Variants in NR3C2 observed in about 807,000 individuals in gnomAD.
The protein encoded by NR3C2 is nuclear receptor subfamily 3 group C member 2, also known as mineralocorticoid receptor.
A neutral mutation model predicts 86.4 loss-of-function variants in NR3C2; 15 were observed. The ratio of observed to expected loss-of-function variants is 0.17; its 90% CI spans 0.12 to 0.27. The LOEUF is 0.27. Among genes scored for constraint, NR3C2 ranks in the 10% least tolerant of loss-of-function variants. NR3C2 has a pLI of 1.00. For missense variants in NR3C2, 960 were observed against 1,195.6 expected (o/e 0.80, Z 2.91); for synonymous variants, 458 against 450.5 (o/e 1.02, Z -0.21).
intron 2 of NR3C2, among the ~76,000 whole-genome samples, chr4:148,406,913 G>C (rs544438876): frequency 6.6e-6 from 1 of 152,176 alleles, no homozygotes; most frequent in African/African-American, 2.4e-5. Context: ...GTGAATTTAA[G>C]CTGCGTAATT....
intron 2 of NR3C2, among the ~76,000 whole-genome samples, chr4:148,277,297 T>C (rs890086975): frequency 6.6e-6 from 1 of 152,244 alleles, no homozygotes; most frequent in Non-Finnish European, 1.5e-5. Flanking sequence ...TCATAAACTA[T>C]TAAAACAACA....
chr4:148,295,420 G>A (rs189690668), intron 2 of NR3C2, among the ~76,000 whole-genome samples: 20 of 151,404 alleles, frequency 1.3e-4, no homozygotes, highest in Admixed American at 1.1e-3. Context: ...CCAACTCCCC[G>A]CATCCAGTGC....
intron 2 of NR3C2, among the ~76,000 whole-genome samples, chr4:148,348,448 TTAG>T (rs1214037826): frequency 6.6e-6 from 1 of 152,170 alleles, no homozygotes; most frequent in Non-Finnish European, 1.5e-5. Context: ...TCAGAAAATA[TTAG>T]TAGAATAAAT....
At chr4:148,398,654 A>G (rs2126521601) in intron 2 of NR3C2, among the ~76,000 whole-genome samples, 1 of 152,348 alleles carries the variant, frequency 6.6e-6, no homozygotes, top group Admixed American at 6.5e-5. Context: ...ACAGAGTTCA[A>G]ACTCCTGATT....
rs1297397077 is a variant in NR3C2, at chr4:148,224,332, ATG to A, written c.1898-29472_1898-29471del. Among the ~76,000 whole-genome samples the A allele has an allele frequency of 2.0e-5, 3 of 152,218 alleles. No homozygotes were observed. The South Asian group carries it at 6.2e-4, about 31-fold the overall frequency. On this transcript the variant is annotated intron_variant, in intron 3 of 8. Transcript: ENST00000358102. Reference sequence around the variant, plus strand: ...ACATACACACATTAGTCAAAATAGAATGTGTTACACTATTTCATGATATGACA... The same window carrying A: ...ACATACACACATTAGTCAAAATAGAATGTTACACTATTTCATGATATGACA...
intron 2 of NR3C2, among the ~76,000 whole-genome samples, chr4:148,323,918 TAAAG>T (rs1743803457): frequency 6.6e-6 from 1 of 152,198 alleles, no homozygotes; most frequent in Admixed American, 6.5e-5. Context: ...ATCTCATTTT[TAAAG>T]AGTCTTCAAT....
upstream of NR3C2, chr4:148,442,602 A>C (rs1750409203): frequency 2.0e-6 from 2 of 978,184 alleles, no homozygotes; most frequent in Non-Finnish European, 2.4e-6. Flanking sequence ...AAGAGAAGCA[A>C]GGCTCCACGC....
chr4:148,201,752 G>A (rs1348645241), intron 3 of NR3C2, among the ~76,000 whole-genome samples: 1 of 151,872 alleles, frequency 6.6e-6, no homozygotes, highest in Non-Finnish European at 1.5e-5. Flanking sequence ...TTTTTCTCTG[G>A]CTCCACTAAT....
At chr4:148,339,216 C>T (rs1744635686) in intron 2 of NR3C2, among the ~76,000 whole-genome samples, 1 of 152,154 alleles carries the variant, frequency 6.6e-6, no homozygotes, top group African/African-American at 2.4e-5. Flanking sequence ...CTATTCCAAG[C>T]ACCATGGACT....
At position 148,420,722 on chromosome 4, in the gene NR3C2, C is replaced by T. The variant is rs184912626; in HGVS notation, c.1757+14382G>A. Reference sequence around the variant, plus strand: ...AGCCTGGTGGGAGGGGATTGAATCACAGGGGTGAATCCTTCATGAATGGTT... The same window carrying T: ...AGCCTGGTGGGAGGGGATTGAATCATAGGGGTGAATCCTTCATGAATGGTT... On this transcript the variant is annotated intron_variant, in intron 2 of 8. Transcript: ENST00000358102. Among the ~76,000 whole-genome samples the T allele has an allele frequency of 1.4e-3, 208 of 152,298 alleles. 1 individual carries two copies. Among genetic ancestry groups the T allele is most frequent in the African/African-American group, 4.7e-3 (195 of 41,566 alleles).
At chr4:148,114,874 G>A (rs761919415) in intron 7 of NR3C2, among the ~76,000 whole-genome samples, 1 of 152,148 alleles carries the variant, frequency 6.6e-6, no homozygotes, top group Admixed American at 6.5e-5. Flanking sequence ...AGGGGAGGAC[G>A]CTGCATACAA....
intron 2 of NR3C2, among the ~76,000 whole-genome samples, chr4:148,396,516 A>G (rs1017288544): frequency 6.6e-6 from 1 of 152,234 alleles, no homozygotes; most frequent in Non-Finnish European, 1.5e-5. Flanking sequence ...TGCAAAAGCA[A>G]TAAATATTTA....
In NR3C2 at chr4:148,318,384, T is replaced by C. The variant is rs1200664537; in HGVS notation, c.1758-58267A>G. ...AGCATGATTTATAGTCCTTTGGGTA[T>C]ATACCCAGTAATGGGATGGCTGGGT... On this transcript the variant is annotated intron_variant, in intron 2 of 8. Transcript: ENST00000358102. Among the ~76,000 whole-genome samples, 7 of 151,520 alleles carry C rather than the reference T, an allele frequency of 4.6e-5. No individual in the cohort carries two copies. In the East Asian group the frequency reaches 1.4e-3, roughly 29 times the overall value.
chr4:148,308,932 G>A (rs890702363), intron 2 of NR3C2, among the ~76,000 whole-genome samples: 4 of 152,102 alleles, frequency 2.6e-5, no homozygotes, highest in Non-Finnish European at 4.4e-5. Context: ...GCAGTGAGCT[G>A]TGATCATGCC....
chr4:148,294,590 C>A (rs367840131), intron 2 of NR3C2, among the ~76,000 whole-genome samples: 1 of 151,872 alleles, frequency 6.6e-6, no homozygotes, highest in East Asian at 1.9e-4. Flanking sequence ...AGTACCTCAA[C>A]TGCAGATAAA....
chr4:148,281,939 A>G (rs1459676624), intron 2 of NR3C2, among the ~76,000 whole-genome samples: 1 of 152,256 alleles, frequency 6.6e-6, no homozygotes, highest in Non-Finnish European at 1.5e-5. Flanking sequence ...TTCATTGCAG[A>G]GGCAGTGATA....
intron 5 of NR3C2, among the ~76,000 whole-genome samples, chr4:148,152,896 C>T (rs1262843955): frequency 6.6e-6 from 1 of 152,074 alleles, no homozygotes. Context: ...AGCCTAAAAC[C>T]CTTGGTTAGA....
chr4:148,173,058 G>T (rs1332218463), intron 4 of NR3C2, among the ~76,000 whole-genome samples: 7 of 152,174 alleles, frequency 4.6e-5, no homozygotes. Context: ...ATATGTAGGG[G>T]CCATCTCAGA....
intron 6 of NR3C2, among the ~76,000 whole-genome samples, chr4:148,132,002 T>A (rs542438143): frequency 5.8e-4 from 89 of 152,208 alleles, no homozygotes; most frequent in African/African-American, 1.8e-3. Flanking sequence ...CTGGAAAAAA[T>A]TTTTTTAAAC....
Sources: gnomAD v4.1 joint callset for allele counts (sites outside exome capture counted in the v4.1 genomes callset) on GRCh38, gnomAD v4.1.1 for gene constraint, MANE v1.5 for transcripts, NCBI Gene and HGNC (gene_info 2026-07-23, HGNC 2026-07-21) for gene names.